The following ZNF827 variants were observed in gnomAD, a reference collection of about 807,000 sequenced individuals.
The protein encoded by ZNF827 is zinc finger protein 827.
Under a neutral mutation model 102.4 loss-of-function variants are expected in ZNF827, and 13 were observed. That is an observed-to-expected ratio of 0.13 (90% CI 0.08 to 0.20). The LOEUF (loss-of-function observed/expected upper bound fraction) is 0.20. ZNF827 is among the 10% of genes least tolerant of loss of function. The probability of loss-of-function intolerance (pLI) is 1.00; values close to 1 mark genes in which losing one functional copy is unlikely to be tolerated. For synonymous variants in ZNF827, 523 were observed against 536.2 expected (o/e 0.98, Z 0.34); for missense variants, 1,103 against 1,344.4 (o/e 0.82, Z 2.81).
At chr4:145,870,638 C>T (rs988055233) in intron 4 of ZNF827, 160 bp from the exon 5 acceptor site, 8 of 612,010 alleles carry the variant, frequency 1.3e-5, no homozygotes, top group Non-Finnish European at 2.3e-5. Context: ...CAAAACCACA[C>T]AATACACTCC....
chr4:145,896,429 G>C (rs1169086692), intron 2 of ZNF827, among the ~76,000 whole-genome samples: 1 of 152,170 alleles, frequency 6.6e-6, no homozygotes, highest in Admixed American at 6.5e-5. Context: ...GGAAAAGATA[G>C]AAAAGAGTGG....
At chr4:145,872,790 G>T (rs552625456) in intron 4 of ZNF827, among the ~76,000 whole-genome samples, 2 of 151,466 alleles carry the variant, frequency 1.3e-5, no homozygotes, top group Non-Finnish European at 2.9e-5. Flanking sequence ...TAGGAGAATC[G>T]CTTGAACCCA....
chr4:145,795,680 T>G (rs983937644), intron 8 of ZNF827, among the ~76,000 whole-genome samples: 3 of 152,260 alleles, frequency 2.0e-5, no homozygotes, highest in African/African-American at 7.2e-5. Context: ...TATTTCCTTT[T>G]GAGCCGATCG....
chr4:145,810,706 T>C (rs1233193619), intron 8 of ZNF827, among the ~76,000 whole-genome samples: 1 of 152,202 alleles, frequency 6.6e-6, no homozygotes, highest in Non-Finnish European at 1.5e-5. Context: ...TAACAATATG[T>C]CTTGGGCATT....
At chr4:145,815,313 T>C (rs1201946679) in intron 8 of ZNF827, among the ~76,000 whole-genome samples, 1 of 152,220 alleles carries the variant, frequency 6.6e-6, no homozygotes, top group Admixed American at 6.5e-5. Flanking sequence ...CTAGTGAACA[T>C]CTTTTGTTTC....
At chr4:145,854,042 G>A (rs2126678359) in intron 5 of ZNF827, among the ~76,000 whole-genome samples, 2 of 152,132 alleles carry the variant, frequency 1.3e-5, no homozygotes, top group Admixed American at 1.3e-4. Context: ...TGGATGAGAG[G>A]CAGGTGAGAT....
intron 4 of ZNF827, among the ~76,000 whole-genome samples, chr4:145,875,021 GGGATAAGA>G (rs1749034430): frequency 1.3e-5 from 2 of 152,106 alleles, no homozygotes; most frequent in Non-Finnish European, 2.9e-5. Context: ...GAAAGCTGCT[GGGATAAGA>G]TGATTCCAGT....
chr4:145,907,397 C>A (rs1751954841), intron 1 of ZNF827, among the ~76,000 whole-genome samples: 1 of 152,144 alleles, frequency 6.6e-6, no homozygotes, highest in Non-Finnish European at 1.5e-5. Flanking sequence ...TTGTGGAGCT[C>A]AAAACAAAGC....
At chr4:145,790,387 T>C (rs1001498568) in intron 8 of ZNF827, among the ~76,000 whole-genome samples, 1 of 152,174 alleles carries the variant, frequency 6.6e-6, no homozygotes, top group Non-Finnish European at 1.5e-5. Context: ...TTAATGATTC[T>C]AAAATACTCT....
rs1579056342 is a variant in ZNF827 at position 145,760,270 on chromosome 4, G to A, written c.*1346C>T. 1 of 152,372 alleles carries A rather than the reference G, an allele frequency of 6.6e-6. No homozygotes were observed. The highest frequency in any genetic ancestry group is 2.1e-4 in the South Asian group (1 of 4,826). The allele number at this position is 152,372 out of a possible 1,614,324, so 9.4% of individuals were successfully genotyped here. Reference sequence around the variant, plus strand: ...AGGAGGGAAAAGAACGTTCATCGCTGTTAAAGAAGCCAGTACAAAGAATGT... The same window carrying A: ...AGGAGGGAAAAGAACGTTCATCGCTATTAAAGAAGCCAGTACAAAGAATGT... On this transcript the variant is annotated 3_prime_UTR_variant, in exon 15 of 15. Coordinates refer to ENST00000508784, the MANE Select transcript of ZNF827 (RefSeq NM_001306215.2).
At chr4:145,880,885 T>A (rs1749605183) in intron 4 of ZNF827, among the ~76,000 whole-genome samples, 1 of 152,180 alleles carries the variant, frequency 6.6e-6, no homozygotes, top group Admixed American at 6.5e-5. Flanking sequence ...AGGGTGTGAA[T>A]AACACAAGGA....
At chr4:145,854,838 T>TATATCTAG in intron 5 of ZNF827, among the ~76,000 whole-genome samples, 1 of 152,374 alleles carries the variant, frequency 6.6e-6, no homozygotes, top group South Asian at 2.1e-4. Flanking sequence ...TCATCTTTTC[T>TATATCTAG]ATATCTAGAG....
In ZNF827 at chr4:145,892,392, G is replaced by C. The variant is rs753753436; in HGVS notation, c.1117C>G (p.Pro373Ala). ...AAACCACATATTGGACACTGGAAAG[G>C]CTTTCCACTTTCCTCTTCTGAGGCT... ...NSASEEESGK[P>A]FQCPICGLVI... The change falls in exon 3 of 15, where the codon CCT (proline) becomes GCT (alanine). Residue 373 changes from proline (P) to alanine (A), a missense_variant. Physicochemically the swap from Pro to Ala is conservative, Grantham distance 27. Transcript: ENST00000508784. 1.1e-5 allele frequency: 18 copies of C among 1,613,756 alleles called. No individual in the cohort carries two copies. The Middle Eastern group carries it at 9.9e-4, about 88-fold the overall frequency.
intron 11 of ZNF827, among the ~76,000 whole-genome samples, chr4:145,773,154 T>C (rs908369157): frequency 1.3e-5 from 2 of 152,324 alleles, no homozygotes; most frequent in African/African-American, 4.8e-5. Flanking sequence ...GGAAAAGAGT[T>C]TGGCCTTTTC....
intron 8 of ZNF827, among the ~76,000 whole-genome samples, chr4:145,802,647 C>T (rs767971324): frequency 6.6e-6 from 1 of 152,244 alleles, no homozygotes; most frequent in African/African-American, 2.4e-5. Context: ...TAGTGGATCT[C>T]AACCAACATT....
At chr4:145,874,540 CTA>C (rs1453091597) in intron 4 of ZNF827, among the ~76,000 whole-genome samples, 1 of 152,170 alleles carries the variant, frequency 6.6e-6, no homozygotes, top group Non-Finnish European at 1.5e-5. Context: ...TTAATAATTA[CTA>C]TCTTTTAAAT....
intron 13 of ZNF827, among the ~76,000 whole-genome samples, chr4:145,764,183 T>C (rs1734935226): frequency 6.6e-6 from 1 of 152,236 alleles, no homozygotes; most frequent in Admixed American, 6.5e-5. Context: ...CCTTGAAAAC[T>C]GTGTCTTTCT....
intron 4 of ZNF827, among the ~76,000 whole-genome samples, chr4:145,875,764 G>A (rs556799893): frequency 1.3e-5 from 2 of 152,132 alleles, no homozygotes; most frequent in South Asian, 2.1e-4. Flanking sequence ...TTTTATTTAC[G>A]ATCTCACCCT....
At chr4:145,886,297 G>T in intron 3 of ZNF827, 139 bp from the exon 4 acceptor site, 1 of 1,361,948 alleles carries the variant, frequency 7.3e-7, no homozygotes, top group Non-Finnish European at 9.6e-7. Context: ...TCACTATGGG[G>T]CTCCAGGTAA....
Sources: allele counts gnomAD v4.1 joint callset (sites outside exome capture counted in the v4.1 genomes callset), GRCh38; gene constraint gnomAD v4.1.1; transcripts MANE v1.5; gene names NCBI Gene and HGNC (gene_info 2026-07-23, HGNC 2026-07-21).